UNKL: variants seen among roughly 807,000 people sequenced by gnomAD.
UNKL encodes unk like zinc finger.
A neutral mutation model predicts 78.0 loss-of-function variants in UNKL; 60 were observed. The ratio of observed to expected loss-of-function variants is 0.77; its 90% CI spans 0.63 to 0.95. The LOEUF (loss-of-function observed/expected upper bound fraction) is 0.95, where lower values mean the gene tolerates loss of function less well. Ranked by LOEUF, UNKL falls within the 40% of genes least tolerant of loss-of-function variation. UNKL has a pLI of 0.00. For missense variants in UNKL, 1,159 were observed against 1,045.7 expected (o/e 1.11, Z -1.49); for synonymous variants, 608 against 474.8 (o/e 1.28, Z -3.65).
At chr16:1,405,703 G>A (rs527271111) in intron 2 of UNKL, among the ~76,000 whole-genome samples, 108 of 151,784 alleles carry the variant, frequency 7.1e-4, no homozygotes, top group African/African-American at 2.5e-3. Context: ...AGGAGGGGAC[G>A]CACGAGCCCC....
chr16:1,398,944 G>A (rs780014695), intron 5 of UNKL: 25 of 1,544,554 alleles, frequency 1.6e-5, no homozygotes, highest in Non-Finnish European at 2.1e-5. Flanking sequence ...GCTGCCAGCT[G>A]TGAAGACAAG....
chr16:1,387,366 T>C lies in UNKL; in HGVS notation c.1087-1981A>G, dbSNP rs1027947934. ...ATGGGTGATTCGAGACCTGGTGCCATCTCAGTGGCAACCCGCCCCCTATCC... is the reference window on the plus strand; with the variant it reads ...ATGGGTGATTCGAGACCTGGTGCCACCTCAGTGGCAACCCGCCCCCTATCC... On this transcript the variant is annotated intron_variant, in intron 9 of 14. Transcript: ENST00000389221. This position sits in a 1 kb window ranked among gnomAD's most constrained non-coding sequence, Gnocchi z 4.1. Among the ~76,000 whole-genome samples, 1 of 152,158 alleles carries C rather than the reference T, an allele frequency of 6.6e-6. No individual in the cohort carries two copies. The highest frequency in any genetic ancestry group is 2.4e-5 in the African/African-American group (1 of 41,438).
Position 1,403,049 on chromosome 16 carries a change from G to C in UNKL, c.464+119C>G, listed in dbSNP as rs1490992520. 2 of 1,255,078 alleles carry C rather than the reference G, an allele frequency of 1.6e-6. No homozygotes were observed. The highest frequency in any genetic ancestry group is 2.1e-6 in the Non-Finnish European group (2 of 933,474). 77.7% of individuals were successfully genotyped at this position (1,255,078 alleles called of 1,614,324 possible). On this transcript the variant is annotated intron_variant, in intron 3 of 14. Transcript: ENST00000389221. The surrounding 1 kb of genome is among the most constrained non-coding windows in gnomAD (Gnocchi z 4.8). ...TCAGAAAGAAATTCTGGAGGAGAGA[G>C]ATTTGGGCCAGCAGAGCCTGCAGCA...
At chr16:1,374,695 A>T (rs937349557) in intron 10 of UNKL, among the ~76,000 whole-genome samples, 1 of 152,052 alleles carries the variant, frequency 6.6e-6, no homozygotes, top group African/African-American at 2.4e-5. Context: ...CCCAGCAGGG[A>T]GCTGGCTGAG....
intron 12 of UNKL, among the ~76,000 whole-genome samples, chr16:1,369,164 G>A (rs1711593616): frequency 6.8e-6 from 1 of 147,284 alleles, no homozygotes; most frequent in South Asian, 2.2e-4. Flanking sequence ...CCGACTCCCG[G>A]GTTCAAGCGA....
chr16:1,390,586 T>C (rs2037006237), intron 9 of UNKL, 46 bp downstream of exon 9: 1 of 1,531,396 alleles, frequency 6.5e-7, no homozygotes, highest in Non-Finnish European at 8.7e-7. Flanking sequence ...GCCTCAGCCC[T>C]AACGCGACAT....
chr16:1,394,025 C>A, intron 7 of UNKL, 106 bp downstream of exon 7: 2 of 1,196,340 alleles, frequency 1.7e-6, no homozygotes, highest in Non-Finnish European at 1.2e-6. Flanking sequence ...CTCCTGCCCG[C>A]CTTCCAGGTC....
At position 1,385,338 on chromosome 16, in the gene UNKL, C is replaced by T. The variant is rs2036769523; in HGVS notation, c.1134G>A (p.Val378=). The T allele has an allele frequency of 1.4e-6, 2 of 1,425,444 alleles. No homozygotes were observed. The highest frequency in any genetic ancestry group is 1.8e-6 in the Non-Finnish European group (2 of 1,093,220). The allele number at this position is 1,425,444 out of a possible 1,614,324, so 88.3% of individuals were successfully genotyped here. Residue 378 remains valine, a synonymous_variant, in exon 10 of 15, where the codon GTG becomes GTA. Coordinates refer to ENST00000389221, the MANE Select transcript of UNKL (RefSeq NM_001372107.1). ...CCAGGCTGGACGCCACGCTGGAGCT[C>T]ACGCTGGGGGCCGGCGGGTGGACCG... is the stretch of plus-strand genomic sequence containing the variant. ...FAAVHPPAPS[V]SSSVASSLAS... is the part of the protein sequence containing the mutation.
chr16:1,372,022 C>G (rs145121791), intron 10 of UNKL, among the ~76,000 whole-genome samples: 1 of 151,904 alleles, frequency 6.6e-6, no homozygotes, highest in South Asian at 2.1e-4. Flanking sequence ...TTTGGGAGGC[C>G]GAGGTGGGCA....
chr16:1,392,892 T>C lies in UNKL; in HGVS notation c.1022A>G (p.Asn341Ser), dbSNP rs1286185696. ...GTCCTGGGAAGGCCGTTCACTTACA[T>C]TTCCCGGCTGGCCGCTGCCCGTGGA... ...PSSTGSGQPG[N>S]AKRRDSPAEG... The change falls in exon 8 of 15, where the codon AAT becomes AGT. Residue 341 changes from asparagine (N) to serine (S), a missense_variant and splice_region_variant. Physicochemically the swap from Asn to Ser is conservative, Grantham distance 46. Coordinates refer to ENST00000389221, the MANE Select transcript of UNKL (RefSeq NM_001372107.1). 5 of 1,550,616 alleles carry C rather than the reference T, an allele frequency of 3.2e-6. No individual in the cohort carries two copies. The highest frequency in any genetic ancestry group is 1.4e-5 in the African/African-American group (1 of 73,194).
Position 1,413,837 on chromosome 16 carries a change from G to T in UNKL, c.287+9C>A, listed in dbSNP as rs2038159617. The T allele has an allele frequency of 6.6e-7, 1 of 1,514,830 alleles. No homozygotes were observed. Among genetic ancestry groups the T allele is most frequent in the Non-Finnish European group, 8.9e-7 (1 of 1,124,180 alleles). The allele number at this position is 1,514,830 out of a possible 1,614,324, so 93.8% of individuals were successfully genotyped here. On this transcript the variant is annotated intron_variant, in intron 2 of 14. Coordinates refer to ENST00000389221, the MANE Select transcript of UNKL (RefSeq NM_001372107.1). Reference sequence around the variant, plus strand: ...GCCCAGGCAGCGGCGCCCCCTCGCGGCCGCTTACTCGTCGCCGTCGGGGCA... The same window carrying T: ...GCCCAGGCAGCGGCGCCCCCTCGCGTCCGCTTACTCGTCGCCGTCGGGGCA...
At position 1,366,077 on chromosome 16, in the gene UNKL, C is replaced by T. The variant is rs2035226588; in HGVS notation, c.*163G>A. The T allele has an allele frequency of 1.3e-6, 1 of 798,576 alleles. No individual in the cohort carries two copies. Among genetic ancestry groups the T allele is most frequent in the African/African-American group, 1.8e-5 (1 of 57,030 alleles). 49.5% of individuals were successfully genotyped at this position (798,576 alleles called of 1,614,324 possible). A position where few individuals can be genotyped will look rare whatever the true frequency, so the allele number is the denominator to read the frequency against. On this transcript the variant is annotated 3_prime_UTR_variant, in exon 15 of 15. Coordinates refer to ENST00000389221, the MANE Select transcript of UNKL (RefSeq NM_001372107.1). The stretch of plus-strand genomic sequence containing the variant: ...CGTGTGACAGGAAAGGCTGTCAGGC[C>T]AAGCGCAGGCGGGGCTCCCAGCCTC...
At chr16:1,382,755 C>T (rs2036649055) in intron 10 of UNKL, among the ~76,000 whole-genome samples, 4 of 150,514 alleles carry the variant, frequency 2.7e-5, no homozygotes. Context: ...GTTGGGAGTT[C>T]AAGACCAGCC....
intron 9 of UNKL, among the ~76,000 whole-genome samples, chr16:1,385,687 G>A (rs1165007034): frequency 2.6e-5 from 4 of 152,210 alleles, no homozygotes; most frequent in East Asian, 1.9e-4. Context: ...AATCTGGCAC[G>A]TGCAGAAAGA....
Position 1,411,145 on chromosome 16 carries a change from G to A in UNKL, c.287+2701C>T, listed in dbSNP as rs780007824. On this transcript the variant is annotated intron_variant, in intron 2 of 14. Transcript: ENST00000389221. ...GTGGGAGGATCTCTTGGGTCCAGGA[G>A]TTTGAGACTGAGACCAGCCTGGACA... is the stretch of plus-strand genomic sequence containing the variant. 2.6e-5 allele frequency among the ~76,000 whole-genome samples: 4 copies of A among 152,196 alleles called. No homozygotes were observed. The South Asian group carries it at 8.3e-4, about 32-fold the overall frequency.
chr16:1,390,755 T>TA (rs750322908), intron 8 of UNKL, 61 bp from the exon 9 acceptor site: 162 of 1,523,232 alleles, frequency 1.1e-4, no homozygotes, highest in Non-Finnish European at 1.2e-4. Context: ...ATTAAAAACA[T>TA]ACAATTCAGG....
At chr16:1,397,993 C>T (rs1202652082) in intron 5 of UNKL, among the ~76,000 whole-genome samples, 3 of 152,216 alleles carry the variant, frequency 2.0e-5, no homozygotes, top group African/African-American at 4.8e-5. Flanking sequence ...TCAGGAGCCC[C>T]GGGGCTGTTC....
At position 1,366,353 on chromosome 16, in the gene UNKL, C is replaced by T. The variant is rs1259493294; in HGVS notation, c.2089G>A (p.Glu697Lys). The part of the protein sequence containing the change: ...LRAKQCVACR[E>K]RAHGAVLRPC... ...CGCAGGACAGCACCGTGGGCCCGCT[C>T]CCGGCAGGCCACACACTGCTTGGCG... Residue 697 changes from glutamate (E) to lysine (K), a missense_variant, in exon 15 of 15, where the codon GAG (glutamate) becomes AAG (lysine). By Grantham distance (56) the Glu-to-Lys change is moderately conservative. Coordinates refer to ENST00000389221, the MANE Select transcript of UNKL (RefSeq NM_001372107.1). 1.2e-6 allele frequency: 2 copies of T among 1,604,462 alleles called. No individual in the cohort carries two copies.
Position 1,399,499 on chromosome 16 carries a change from G to A in UNKL, c.609C>T (p.Phe203=), listed in dbSNP as rs141627676. 6.3e-5 allele frequency: 101 copies of A among 1,597,358 alleles called. No homozygotes were observed. The African/African-American group carries it at 9.4e-4, about 15-fold the overall frequency. The change falls in exon 5 of 15, where the codon TTC becomes TTT. Residue 203 remains phenylalanine (F), a synonymous_variant. Transcript: ENST00000389221. This position sits in a 1 kb window ranked among gnomAD's most constrained non-coding sequence, Gnocchi z 5.8. ...GCTCCGTCTTGTAGCTGCCCAGCAC[G>A]AAGTTGGCATCTGAAAAATGGGCCA... The part of the protein sequence containing the change: ...SEDPRWQDAN[F]VLGSYKTEQC...
Sources: gnomAD v4.1 joint callset for allele counts (sites outside exome capture counted in the v4.1 genomes callset) on GRCh38, gnomAD v4.1.1 for gene constraint, Gnocchi (gnomAD v3.1) non-coding constraint, MANE v1.5 for transcripts, NCBI Gene and HGNC (gene_info 2026-07-23, HGNC 2026-07-21) for gene names.